The following RASSF6 variants were observed in gnomAD, a reference collection of about 807,000 sequenced individuals.
RASSF6 encodes ras association domain-containing protein 6.
Under a neutral mutation model 44.0 loss-of-function variants are expected in RASSF6, and 52 were observed. The observed-to-expected ratio is 1.18, with a 90% CI of 0.95 to 1.49. RASSF6 has a LOEUF of 1.49. Among genes scored for constraint, RASSF6 ranks in the 40% most tolerant of loss-of-function variants. The pLI is 0.00. For missense variants in RASSF6, 464 were observed against 393.3 expected (o/e 1.18, Z -1.52); for synonymous variants, 162 against 124.6 (o/e 1.30, Z -2.00).
At position 73,575,995 on chromosome 4, in the gene RASSF6, G is replaced by T; in HGVS notation, c.*240C>A. ...CATGGTTTACTATAAAAGCTATTTG[G>T]CATATGCAGTATTCAAGCTTATTTC... On this transcript the variant is annotated 3_prime_UTR_variant, in exon 11 of 11. Transcript: ENST00000307439. 1 of 348,876 alleles carries T rather than the reference G, an allele frequency of 2.9e-6. No individual in the cohort carries two copies. The highest frequency in any genetic ancestry group is 5.2e-6 in the Non-Finnish European group (1 of 193,468). 21.6% of individuals were successfully genotyped at this position (348,876 alleles called of 1,614,324 possible).
rs150198839 is a variant in RASSF6, at chr4:73,581,835, T to C, written c.703A>G (p.Ile235Val). ...TTCTTACCTCCTGTTGCAAAAATAA[T>C]GTGAAGAGCAAAATCCTGGGGACTA... is the stretch of plus-strand genomic sequence containing the variant. Reference protein sequence around the residue: ...ENSPQDFALHIIFATGEQRRL... With the variant: ...ENSPQDFALHVIFATGEQRRL... Residue 235 changes from isoleucine (I) to valine (V), a missense_variant, in exon 8 of 11, where the codon ATT becomes GTT. By Grantham distance (29) the Ile-to-Val change is conservative. Coordinates refer to ENST00000307439, the MANE Select transcript of RASSF6 (RefSeq NM_177532.5). The C allele has an allele frequency of 9.3e-6, 15 of 1,609,902 alleles. No individual in the cohort carries two copies. Among genetic ancestry groups the C allele is most frequent in the Admixed American group, 5.0e-5 (3 of 59,902 alleles).
At position 73,617,222 on chromosome 4, in the gene RASSF6, C is replaced by T. The variant is rs567687767; in HGVS notation, c.-35+3066G>A. Among the ~76,000 whole-genome samples, 7 of 152,312 alleles carry T rather than the reference C, an allele frequency of 4.6e-5. No individual in the cohort carries two copies. In the South Asian group the frequency reaches 1.4e-3, roughly 32 times the overall value. ...TGAATCAAACACACTTCTATGTGAGCATGCCACTGCCCTCAGTTCAAGTGG... is the reference window on the plus strand; with the variant it reads ...TGAATCAAACACACTTCTATGTGAGTATGCCACTGCCCTCAGTTCAAGTGG... On this transcript the variant is annotated intron_variant, in intron 1 of 10. Coordinates refer to ENST00000307439, the MANE Select transcript of RASSF6 (RefSeq NM_177532.5).
intron 1 of RASSF6, among the ~76,000 whole-genome samples, chr4:73,617,676 C>A (rs767443351): frequency 1.3e-5 from 2 of 152,178 alleles, no homozygotes; most frequent in Admixed American, 6.5e-5. Context: ...GGAGACACTT[C>A]ATGTTCTACT....
upstream of RASSF6, chr4:73,620,447 G>T: frequency 6.5e-7 from 1 of 1,547,618 alleles, no homozygotes; most frequent in Non-Finnish European, 8.7e-7. Context: ...ACCTGTAGGG[G>T]AGGTCCGAGG....
At chr4:73,589,260 A>G (rs528331161) in intron 4 of RASSF6, among the ~76,000 whole-genome samples, 2 of 152,282 alleles carry the variant, frequency 1.3e-5, no homozygotes, top group East Asian at 1.9e-4. Context: ...CTTTAACTCA[A>G]AGGAAAACTA....
At chr4:73,595,125 C>T (rs766071461) in intron 3 of RASSF6, among the ~76,000 whole-genome samples, 3 of 152,102 alleles carry the variant, frequency 2.0e-5, no homozygotes, top group Non-Finnish European at 2.9e-5. Flanking sequence ...GTAGCCTCAC[C>T]GTACACTTCA....
intron 1 of RASSF6, among the ~76,000 whole-genome samples, chr4:73,615,358 G>GTAGA (rs61294651): frequency 0.98 from 149,146 of 152,028 alleles, 73,214 homozygotes; most frequent in East Asian, 1. Flanking sequence ...TAAAGACTTG[G>GTAGA]TAGATATAAG....
At chr4:73,614,270 C>T (rs552547577) in intron 1 of RASSF6, among the ~76,000 whole-genome samples, 1 of 152,324 alleles carries the variant, frequency 6.6e-6, no homozygotes, top group East Asian at 1.9e-4. Context: ...TACTAGAGGG[C>T]CTCCCTCTGT....
At chr4:73,588,771 C>T (rs1184105370) in intron 4 of RASSF6, among the ~76,000 whole-genome samples, 1 of 96,838 alleles carries the variant, frequency 1.0e-5, no homozygotes, top group Admixed American at 1.1e-4. Context: ...TATAATTATC[C>T]TCATCTCCAT....
At chr4:73,583,943 C>G (rs1164787092) in intron 6 of RASSF6, among the ~76,000 whole-genome samples, 9 of 152,118 alleles carry the variant, frequency 5.9e-5, no homozygotes, top group Non-Finnish European at 8.8e-5. Context: ...AATTTCATTT[C>G]CAGCACAAGT....
At chr4:73,576,778 G>A in intron 8 of RASSF6, 47 bp from the exon 9 acceptor site, 1 of 1,095,916 alleles carries the variant, frequency 9.1e-7, no homozygotes, top group Non-Finnish European at 1.3e-6. Context: ...TCATGCTGCA[G>A]GAAAAGAAGG....
chr4:73,608,895 G>A (rs1012007266), intron 2 of RASSF6, among the ~76,000 whole-genome samples: 1 of 152,158 alleles, frequency 6.6e-6, no homozygotes, highest in African/African-American at 2.4e-5. Context: ...TGGAACACTG[G>A]CTCTTTGTGC....
rs1311290440 is a variant in RASSF6, at chr4:73,588,031, G to A, written c.288-97C>T. On this transcript the variant is annotated intron_variant, in intron 4 of 10. Coordinates refer to ENST00000307439, the MANE Select transcript of RASSF6 (RefSeq NM_177532.5). ...CAATATTAATATAGTAATACTGTGGGCCTCTGTAGGTGGATATATTGTCCA... is the reference window on the plus strand; with the variant it reads ...CAATATTAATATAGTAATACTGTGGACCTCTGTAGGTGGATATATTGTCCA... The A allele has an allele frequency of 5.8e-6, 4 of 695,038 alleles. No individual in the cohort carries two copies. The East Asian group carries it at 8.2e-5, about 14-fold the overall frequency. The allele number at this position is 695,038 out of a possible 1,614,324, so 43.1% of individuals were successfully genotyped here.
At chr4:73,586,851 G>C (rs1024252117) in intron 5 of RASSF6, among the ~76,000 whole-genome samples, 1 of 150,744 alleles carries the variant, frequency 6.6e-6, no homozygotes, top group Non-Finnish European at 1.5e-5. Flanking sequence ...GGAACATCAT[G>C]TTTGTCACAG....
chr4:73,573,205 C>A lies in RASSF6; in HGVS notation c.*3030G>T, dbSNP rs998558115. The A allele has an allele frequency of 3.3e-5, 5 of 151,824 alleles. No individual in the cohort carries two copies. Among genetic ancestry groups the A allele is most frequent in the African/African-American group, 4.8e-5 (2 of 41,278 alleles). 9.4% of individuals were successfully genotyped at this position (151,824 alleles called of 1,614,324 possible). A position where few individuals can be genotyped will look rare whatever the true frequency, so the allele number is the denominator to read the frequency against. ...AGCAGTGGCGCCATCTCGGCTCATG[C>A]AACCTCCGCCTCCCGGGTTCAAGCG... On this transcript the variant is annotated 3_prime_UTR_variant, in exon 11 of 11. Transcript: ENST00000307439.
intron 2 of RASSF6, 43 bp downstream of exon 2, chr4:73,611,688 G>T: frequency 7.8e-7 from 1 of 1,281,496 alleles, no homozygotes; most frequent in Non-Finnish European, 1.1e-6. Flanking sequence ...TTCCACAAAT[G>T]ACTGGTGAGT....
intron 2 of RASSF6, among the ~76,000 whole-genome samples, chr4:73,605,488 T>C (rs944152902): frequency 6.6e-6 from 1 of 152,224 alleles, no homozygotes; most frequent in Non-Finnish European, 1.5e-5. Flanking sequence ...CAGCCATGGC[T>C]CCAGGTCTTT....
intron 1 of RASSF6, among the ~76,000 whole-genome samples, chr4:73,617,378 T>C (rs1726429878): frequency 6.6e-6 from 1 of 152,166 alleles, no homozygotes; most frequent in Non-Finnish European, 1.5e-5. Context: ...GAAGCAAATT[T>C]GTATTAAGGC....
At chr4:73,589,586 T>G (rs1398148678) in intron 4 of RASSF6, among the ~76,000 whole-genome samples, 2 of 152,078 alleles carry the variant, frequency 1.3e-5, no homozygotes, top group Non-Finnish European at 2.9e-5. Flanking sequence ...GTTTGGCCCC[T>G]TATTTTTTTC....
Sources: gnomAD v4.1 joint callset for allele counts (sites outside exome capture counted in the v4.1 genomes callset) on GRCh38, gnomAD v4.1.1 for gene constraint, MANE v1.5 for transcripts, NCBI Gene and HGNC (gene_info 2026-07-23, HGNC 2026-07-21) for gene names.